Variants in PCP4 observed in about 807,000 individuals in gnomAD.
The protein encoded by PCP4 is Purkinje cell protein 4.
Under a neutral mutation model 10.0 loss-of-function variants are expected in PCP4, and 8 were observed. The observed-to-expected ratio is 0.80, with a 90% CI of 0.47 to 1.45. The LOEUF (loss-of-function observed/expected upper bound fraction) is 1.45, where lower values mean the gene tolerates loss of function less well. Ranked by LOEUF, PCP4 falls within the 40% of genes most tolerant of loss-of-function variation. The probability of loss-of-function intolerance (pLI) is 0.00; values close to 1 mark genes in which losing one functional copy is unlikely to be tolerated. For synonymous variants in PCP4, 21 were observed against 23.0 expected (o/e 0.91, Z 0.24); for missense variants, 54 against 74.4 (o/e 0.73, Z 1.01).
At chr21:39,869,306 G>C (rs1801482529) in intron 1 of PCP4, among the ~76,000 whole-genome samples, 2 of 152,180 alleles carry the variant, frequency 1.3e-5, no homozygotes, top group African/African-American at 4.8e-5. Context: ...GGGTCTCCAG[G>C]GAGAAAGCGC....
intron 1 of PCP4, among the ~76,000 whole-genome samples, chr21:39,890,215 A>C (rs1374181128): frequency 6.6e-6 from 1 of 152,200 alleles, no homozygotes; most frequent in Non-Finnish European, 1.5e-5. Flanking sequence ...GAAAGCTTGG[A>C]ATTACTGGGT....
intron 2 of PCP4, among the ~76,000 whole-genome samples, chr21:39,907,186 G>C (rs1480260609): frequency 6.6e-6 from 1 of 152,104 alleles, no homozygotes; most frequent in African/African-American, 2.4e-5. Flanking sequence ...TGTCCTCAAA[G>C]AGTAGATCTC....
rs191183251 is a variant in PCP4, at chr21:39,874,501, A to G, written c.9+6991A>G. On this transcript the variant is annotated intron_variant, in intron 1 of 2. Transcript: ENST00000328619. ...GCTTTGGTCAATAATCGAATGAAGT[A>G]ATGGTTATTTTAATTTTATATGACC... is the stretch of plus-strand genomic sequence containing the variant. 4.0e-4 allele frequency among the ~76,000 whole-genome samples: 61 copies of G among 152,314 alleles called. 1 individual carries two copies. The East Asian group carries it at 9.3e-3, about 23-fold the overall frequency.
intron 2 of PCP4, among the ~76,000 whole-genome samples, chr21:39,899,315 T>C (rs62235457): frequency 0.14 from 21,013 of 152,260 alleles, 1,640 homozygotes; most frequent in Middle Eastern, 0.23. Flanking sequence ...CTGGGTGTTC[T>C]TCCTTTCTGT....
At chr21:39,904,235 C>T (rs2087495912) in intron 2 of PCP4, among the ~76,000 whole-genome samples, 1 of 152,060 alleles carries the variant, frequency 6.6e-6, no homozygotes, top group Non-Finnish European at 1.5e-5. Context: ...CTACCCCCTA[C>T]CCCTGGCCCT....
chr21:39,890,051 A>G (rs994457737), intron 1 of PCP4, among the ~76,000 whole-genome samples: 2 of 152,192 alleles, frequency 1.3e-5, no homozygotes, highest in African/African-American at 4.8e-5. Context: ...TTTTATGGGT[A>G]TAGACAACAA....
rs60836582 is a variant in PCP4 at position 39,906,294 on chromosome 21, G to A, written c.61+7767G>A. Among the ~76,000 whole-genome samples, 12,545 of 152,218 alleles carry A rather than the reference G, an allele frequency of 0.082. 796 individuals carry two copies. Among genetic ancestry groups the A allele is most frequent in the African/African-American group, 0.17 (7,246 of 41,510 alleles). ...TAAATGGGCAACTTGGATGGGCTGT[G>A]GTCTAAGCCCCTGGAACAGAATAAA... is the stretch of plus-strand genomic sequence containing the variant. On this transcript the variant is annotated intron_variant, in intron 2 of 2. Transcript: ENST00000328619. The surrounding 1 kb of genome is among the most constrained non-coding windows in gnomAD (Gnocchi z 6.3).
At chr21:39,873,722 G>T (rs1194743548) in intron 1 of PCP4, among the ~76,000 whole-genome samples, 1 of 152,164 alleles carries the variant, frequency 6.6e-6, no homozygotes, top group African/African-American at 2.4e-5. Context: ...ATAGATATGG[G>T]AATGTTCGAT....
rs113710937 is a variant in PCP4 at position 39,884,423 on chromosome 21, C to T, written c.10-14053C>T. Among the ~76,000 whole-genome samples, 833 of 151,990 alleles carry T rather than the reference C, an allele frequency of 5.5e-3. 10 individuals carry two copies. The highest frequency in any genetic ancestry group is 0.019 in the African/African-American group (773 of 41,488). The stretch of plus-strand genomic sequence containing the variant: ...CAAACTCCCGACCTCAGGTGATCCG[C>T]CTGTCTCAGACTCCCAAAGTGCTGG... On this transcript the variant is annotated intron_variant, in intron 1 of 2. Transcript: ENST00000328619.
chr21:39,911,030 G>A (rs2087537686), intron 2 of PCP4, among the ~76,000 whole-genome samples: 1 of 152,166 alleles, frequency 6.6e-6, no homozygotes, highest in Non-Finnish European at 1.5e-5. Context: ...TTATGATTCT[G>A]TGGCTGTCTC....
intron 1 of PCP4, among the ~76,000 whole-genome samples, chr21:39,873,862 TG>T (rs1196819840): frequency 6.6e-6 from 1 of 152,214 alleles, no homozygotes; most frequent in African/African-American, 2.4e-5. Context: ...ATTCCAGGCA[TG>T]GGTCTGCTTG....
intron 2 of PCP4, among the ~76,000 whole-genome samples, chr21:39,910,192 C>T (rs1393658570): frequency 1.3e-5 from 2 of 152,194 alleles, no homozygotes; most frequent in East Asian, 3.9e-4. Context: ...GTCAGAGAGA[C>T]ACTTTAGTGG....
intron 1 of PCP4, among the ~76,000 whole-genome samples, chr21:39,883,014 G>A (rs2087383277): frequency 6.6e-6 from 1 of 152,202 alleles, no homozygotes; most frequent in African/African-American, 2.4e-5. Flanking sequence ...TCTAATCACA[G>A]CAGCTGCTCT....
chr21:39,886,012 C>T (rs1212790567), intron 1 of PCP4, among the ~76,000 whole-genome samples: 3 of 152,202 alleles, frequency 2.0e-5, no homozygotes, highest in East Asian at 3.8e-4. Context: ...CCCTGTGTGT[C>T]CACACTGTCT....
rs1437948128 is a variant in PCP4 at position 39,915,083 on chromosome 21, GA to G, written c.62-13896del. 2.0e-5 allele frequency among the ~76,000 whole-genome samples: 3 copies of G among 152,256 alleles called. No homozygotes were observed. In the East Asian group the frequency reaches 5.8e-4, roughly 29 times the overall value. Reference sequence around the variant, plus strand: ...CAATTTCCTGTGTTTTCAGGCACTTGAAAAACTACACAGTTTCCACAACTGC... The same window carrying G: ...CAATTTCCTGTGTTTTCAGGCACTTGAAAACTACACAGTTTCCACAACTGC... On this transcript the variant is annotated intron_variant, in intron 2 of 2. Transcript: ENST00000328619.
At chr21:39,900,515 GGA>G (rs1182771622) in intron 2 of PCP4, among the ~76,000 whole-genome samples, 1 of 152,108 alleles carries the variant, frequency 6.6e-6, no homozygotes, top group Non-Finnish European at 1.5e-5. Context: ...TTTATTGAGG[GGA>G]GTTACCTATA....
chr21:39,928,194 G>GACA (rs2087634166), intron 2 of PCP4, among the ~76,000 whole-genome samples: 1 of 152,090 alleles, frequency 6.6e-6, no homozygotes, highest in African/African-American at 2.4e-5. Flanking sequence ...AACACGCCGG[G>GACA]TCTCATCAGA....
chr21:39,872,219 G>A (rs1050612712), intron 1 of PCP4, among the ~76,000 whole-genome samples: 20 of 152,246 alleles, frequency 1.3e-4, no homozygotes, highest in African/African-American at 4.6e-4. Flanking sequence ...GACTGGTCTC[G>A]AACTCCTGAC....
At chr21:39,885,335 C>A (rs991797494) in intron 1 of PCP4, among the ~76,000 whole-genome samples, 1 of 152,194 alleles carries the variant, frequency 6.6e-6, no homozygotes, top group African/African-American at 2.4e-5. Flanking sequence ...TAAGAAGCAA[C>A]GAGCCTGAGG....
Sources: gnomAD v4.1 joint callset for allele counts (sites outside exome capture counted in the v4.1 genomes callset) on GRCh38, gnomAD v4.1.1 for gene constraint, Gnocchi (gnomAD v3.1) non-coding constraint, MANE v1.5 for transcripts, NCBI Gene and HGNC (gene_info 2026-07-23, HGNC 2026-07-21) for gene names.